CAST: variants seen among roughly 807,000 people sequenced by gnomAD.
CAST encodes calpastatin, also known as MIR583 host.
CAST carries 76 observed loss-of-function variants against 119.6 expected under a neutral mutation model. The ratio of observed to expected loss-of-function variants is 0.64; its 90% CI spans 0.53 to 0.77. CAST has a LOEUF of 0.77. Among genes scored for constraint, CAST ranks in the 30% least tolerant of loss-of-function variants. The pLI is 0.00. For synonymous variants in CAST, 319 were observed against 331.6 expected (o/e 0.96, Z 0.41); for missense variants, 953 against 946.5 (o/e 1.01, Z -0.09).
chr5:96,301,228 T>G, the CAST span, among the ~76,000 whole-genome samples: 10 of 152,112 alleles, frequency 6.6e-5, no homozygotes, highest in African/African-American at 2.2e-4. Context: ...CCAGATCTTA[T>G]GAGAACTCAC....
intron 1 of CAST, among the ~76,000 whole-genome samples, chr5:96,617,898 T>C (rs1257268044): frequency 5.4e-5 from 8 of 147,304 alleles, no homozygotes. Flanking sequence ...CAGTTCTATC[T>C]GGTGTCTTAA....
At chr5:96,034,380 T>A in the CAST span, among the ~76,000 whole-genome samples, 1 of 150,500 alleles carries the variant, frequency 6.6e-6, no homozygotes, top group Admixed American at 6.6e-5. Flanking sequence ...GTACAGCCAT[T>A]ATGGAAAACA....
the CAST span, among the ~76,000 whole-genome samples, chr5:96,510,841 G>A: frequency 2.6e-5 from 4 of 152,204 alleles, no homozygotes; most frequent in African/African-American, 7.2e-5. Context: ...AAAAAAAGGG[G>A]TGGATTATAG....
the CAST span, chr5:96,432,931 C>T: frequency 8.1e-6 from 13 of 1,614,078 alleles, no homozygotes; most frequent in Admixed American, 2.2e-4. Context: ...CCGGGGATCT[C>T]CGCTGCCCAT....
chr5:96,161,357 A>T, the CAST span, among the ~76,000 whole-genome samples: 1 of 152,116 alleles, frequency 6.6e-6, no homozygotes, highest in African/African-American at 2.4e-5. Flanking sequence ...AAAGTTCTTT[A>T]TATATTGTTC....
the CAST span, among the ~76,000 whole-genome samples, chr5:96,370,941 T>A: frequency 2.0e-5 from 3 of 152,172 alleles, no homozygotes; most frequent in Non-Finnish European, 4.4e-5. Flanking sequence ...GAAGCCAAGT[T>A]AATGTCCACA....
At chr5:96,034,966 A>G in the CAST span, among the ~76,000 whole-genome samples, 1 of 149,846 alleles carries the variant, frequency 6.7e-6, no homozygotes, top group African/African-American at 2.5e-5. Context: ...ATGGCTGAGT[A>G]GTATTCCATT....
At chr5:96,642,191 C>T (rs1007852168) in intron 1 of CAST, among the ~76,000 whole-genome samples, 3 of 152,180 alleles carry the variant, frequency 2.0e-5, no homozygotes, top group African/African-American at 7.2e-5. Flanking sequence ...CTCTTTACTA[C>T]ATTCTTTGAT....
At chr5:96,619,925 C>T (rs1234112928) in intron 1 of CAST, among the ~76,000 whole-genome samples, 4 of 152,196 alleles carry the variant, frequency 2.6e-5, no homozygotes, top group Admixed American at 6.5e-5. Context: ...AACCATGTGA[C>T]GTTGGGCAAG....
intron 1 of CAST, among the ~76,000 whole-genome samples, chr5:96,568,143 C>T (rs993631443): frequency 1.3e-5 from 2 of 152,122 alleles, no homozygotes; most frequent in African/African-American, 2.4e-5. Context: ...GTGTTAAGAG[C>T]AAGCGTGTAT....
the CAST span, among the ~76,000 whole-genome samples, chr5:96,033,454 A>G: frequency 6.6e-6 from 1 of 152,158 alleles, no homozygotes; most frequent in Non-Finnish European, 1.5e-5. Flanking sequence ...AAACAAACAT[A>G]TTGACCAGTG....
chr5:96,091,496 T>C, the CAST span, among the ~76,000 whole-genome samples: 3 of 139,988 alleles, frequency 2.1e-5, no homozygotes, highest in Admixed American at 7.2e-5. Flanking sequence ...TGAGCCACCA[T>C]GCCTGGCCTT....
the CAST span, among the ~76,000 whole-genome samples, chr5:96,104,391 C>A: frequency 6.6e-6 from 1 of 152,104 alleles, no homozygotes; most frequent in African/African-American, 2.4e-5. Context: ...GTATTTAATC[C>A]ATCTTGAATT....
the CAST span, among the ~76,000 whole-genome samples, chr5:96,224,929 A>G: frequency 6.6e-6 from 1 of 152,118 alleles, no homozygotes; most frequent in Non-Finnish European, 1.5e-5. Flanking sequence ...GCCCACCCCT[A>G]AATTAATTGG....
At chr5:96,486,644 A>T in the CAST span, among the ~76,000 whole-genome samples, 2 of 152,132 alleles carry the variant, frequency 1.3e-5, no homozygotes, top group South Asian at 4.1e-4. Context: ...CAGCATTTCT[A>T]CCAAAGCACT....
chr5:96,170,159 C>T, the CAST span, among the ~76,000 whole-genome samples: 18 of 152,318 alleles, frequency 1.2e-4, no homozygotes, highest in East Asian at 2.9e-3. Flanking sequence ...TCTTCAGCCG[C>T]TAAGCCGAGT....
At chr5:96,345,273 T>G in the CAST span, among the ~76,000 whole-genome samples, 1 of 151,674 alleles carries the variant, frequency 6.6e-6, no homozygotes. Flanking sequence ...TTTTGAAGAG[T>G]CTTAACCTAA....
rs1221509516 is a variant in CAST at position 96,765,971 on chromosome 5, T to A, written c.2038-82T>A. 4.9e-6 allele frequency: 4 copies of A among 808,846 alleles called. No individual in the cohort carries two copies. In the African/African-American group the frequency reaches 6.9e-5, roughly 14 times the overall value. The allele number at this position is 808,846 out of a possible 1,614,324, so 50.1% of individuals were successfully genotyped here. A position where few individuals can be genotyped will look rare whatever the true frequency, so the allele number is the denominator to read the frequency against. On this transcript the variant is annotated intron_variant, in intron 26 of 31. Coordinates refer to ENST00000675179, the MANE Select transcript of CAST (RefSeq NM_001750.7). ...TTTTGCCTCATGAAAGTACAACAAA[T>A]GCTGAATGCTGCATTTGACAATGTA...
At chr5:96,606,594 C>G in intron 1 of CAST, among the ~76,000 whole-genome samples, 1 of 152,304 alleles carries the variant, frequency 6.6e-6, no homozygotes, top group South Asian at 2.1e-4. Flanking sequence ...TCCTGGTTCT[C>G]GTATTCTTCT....
Sources: allele counts gnomAD v4.1 joint callset (sites outside exome capture counted in the v4.1 genomes callset), GRCh38; gene constraint gnomAD v4.1.1; transcripts MANE v1.5; gene names NCBI Gene and HGNC (gene_info 2026-07-23, HGNC 2026-07-21).